CCDC88A: variants seen among roughly 807,000 people sequenced by gnomAD.
CCDC88A encodes coiled-coil and HOOK domain protein 88A.
CCDC88A carries 54 observed loss-of-function variants against 234.3 expected under a neutral mutation model. The observed-to-expected ratio is 0.23, with a 90% CI of 0.19 to 0.29. The LOEUF (loss-of-function observed/expected upper bound fraction) is 0.29. Among genes scored for constraint, CCDC88A ranks in the 10% least tolerant of loss-of-function variants. CCDC88A has a pLI of 1.00. For synonymous variants in CCDC88A, 753 were observed against 737.8 expected (o/e 1.02, Z -0.33); for missense variants, 1,832 against 2,123.4 (o/e 0.86, Z 2.70).
At chr2:55,369,941 T>C (rs935716524) in intron 5 of CCDC88A, among the ~76,000 whole-genome samples, 8 of 152,332 alleles carry the variant, frequency 5.3e-5, no homozygotes, top group Non-Finnish European at 1.2e-4. Context: ...TTACGTCTTT[T>C]TTCTAAAATC....
chr2:55,349,600 CT>C lies in CCDC88A; in HGVS notation c.801-2del, dbSNP rs768302934. ...CAACAACTGCTCAGTCTTTTCCTCCCTTAAATGCAAAAATATATTCATTAAG... is the reference window on the plus strand; with the variant it reads ...CAACAACTGCTCAGTCTTTTCCTCCCTAAATGCAAAAATATATTCATTAAG... On this transcript the variant is annotated splice_acceptor_variant, in intron 8 of 32. Transcript: ENST00000436346. LOFTEE classifies it high-confidence loss of function. 3.7e-6 allele frequency: 6 copies of C among 1,601,420 alleles called. No individual in the cohort carries two copies. Among genetic ancestry groups the C allele is most frequent in the Non-Finnish European group, 5.1e-6 (6 of 1,172,890 alleles).
chr2:55,320,614 T>C lies in CCDC88A; in HGVS notation c.3163-1610A>G, dbSNP rs760840331. On this transcript the variant is annotated intron_variant, in intron 18 of 32. Coordinates refer to ENST00000436346, the MANE Select transcript of CCDC88A (RefSeq NM_001365480.1). ...AATGTAATTATGAATCCAAGCAATATAGGTATATATATCACTGATTAAAAA... is the reference window on the plus strand; with the variant it reads ...AATGTAATTATGAATCCAAGCAATACAGGTATATATATCACTGATTAAAAA... Among the ~76,000 whole-genome samples the C allele has an allele frequency of 1.6e-3, 240 of 152,182 alleles. 1 individual carries two copies. The highest frequency in any genetic ancestry group is 2.7e-3 in the Non-Finnish European group (182 of 68,028).
chr2:55,379,268 C>T (rs1674200760), intron 3 of CCDC88A, among the ~76,000 whole-genome samples: 1 of 151,908 alleles, frequency 6.6e-6, no homozygotes, highest in African/African-American at 2.4e-5. Flanking sequence ...TATAAATGAG[C>T]CCAAGATGAG....
intron 25 of CCDC88A, among the ~76,000 whole-genome samples, chr2:55,305,492 C>A (rs1185609565): frequency 6.6e-6 from 1 of 152,170 alleles, no homozygotes; most frequent in Non-Finnish European, 1.5e-5. Flanking sequence ...CCTAAACAGA[C>A]AAGATGACTT....
chr2:55,291,690 G>A lies in CCDC88A; in HGVS notation c.*21C>T. The A allele has an allele frequency of 6.6e-7, 1 of 1,525,352 alleles. No homozygotes were observed. Among genetic ancestry groups the A allele is most frequent in the Non-Finnish European group, 9.0e-7 (1 of 1,105,926 alleles). 94.5% of individuals were successfully genotyped at this position (1,525,352 alleles called of 1,614,324 possible). On this transcript the variant is annotated 3_prime_UTR_variant, in exon 32 of 33. Coordinates refer to ENST00000436346, the MANE Select transcript of CCDC88A (RefSeq NM_001365480.1). The stretch of plus-strand genomic sequence containing the variant: ...AGGAAACTCACCACTTGGCCCACAT[G>A]TCATGTAGTGGGTAATAGAATTAGG...
intron 16 of CCDC88A, chr2:55,331,742 A>C (rs1684937237): frequency 6.6e-6 from 1 of 152,162 alleles, no homozygotes; most frequent in African/African-American, 2.4e-5. Flanking sequence ...TCATTTTTAA[A>C]ATTAAAAGGC....
intron 11 of CCDC88A, 39 bp downstream of exon 11, chr2:55,344,329 C>T: frequency 6.9e-7 from 1 of 1,445,804 alleles, no homozygotes; most frequent in Non-Finnish European, 9.3e-7. Flanking sequence ...AGAAGTTTTC[C>T]TTAAAGGCCA....
chr2:55,389,781 C>G (rs1349551402), intron 2 of CCDC88A, among the ~76,000 whole-genome samples: 2 of 152,010 alleles, frequency 1.3e-5, no homozygotes. Context: ...TGACTCACGC[C>G]TATAATCCCA....
At chr2:55,322,005 G>GTATTTT (rs1263712390) in intron 18 of CCDC88A, among the ~76,000 whole-genome samples, 44 of 141,218 alleles carry the variant, frequency 3.1e-4, no homozygotes, top group African/African-American at 1.2e-3. Flanking sequence ...TGAAGGGTAA[G>GTATTTT]TATTTGTTGT....
chr2:55,373,010 T>G (rs575797816), intron 4 of CCDC88A, among the ~76,000 whole-genome samples: 1 of 152,368 alleles, frequency 6.6e-6, no homozygotes, highest in Admixed American at 6.5e-5. Context: ...ATCTTAAATG[T>G]CTGTTACAGT....
chr2:55,414,961 G>T (rs555543506), intron 2 of CCDC88A, among the ~76,000 whole-genome samples: 38 of 151,788 alleles, frequency 2.5e-4, no homozygotes, highest in African/African-American at 8.9e-4. Flanking sequence ...CAGTTACTCG[G>T]GAGCCTGAGG....
chr2:55,379,095 A>G (rs985248683), intron 3 of CCDC88A, among the ~76,000 whole-genome samples: 1 of 152,068 alleles, frequency 6.6e-6, no homozygotes, highest in African/African-American at 2.4e-5. Context: ...CCCCATTCCA[A>G]TTTTATGAGT....
chr2:55,393,560 C>G (rs148990979), intron 2 of CCDC88A, among the ~76,000 whole-genome samples: 2 of 152,062 alleles, frequency 1.3e-5, no homozygotes, highest in Non-Finnish European at 2.9e-5. Flanking sequence ...TCCCAAAGTG[C>G]TGGGATTACA....
chr2:55,390,246 T>C (rs962085670), intron 2 of CCDC88A, among the ~76,000 whole-genome samples: 1 of 152,146 alleles, frequency 6.6e-6, no homozygotes, highest in South Asian at 2.1e-4. Flanking sequence ...TGCTTTTGCA[T>C]TGAATCCACT....
intron 19 of CCDC88A, among the ~76,000 whole-genome samples, chr2:55,318,223 T>C (rs1261027743): frequency 6.6e-6 from 1 of 152,144 alleles, no homozygotes; most frequent in Non-Finnish European, 1.5e-5. Context: ...GAAAAATTAC[T>C]TTTAGAAATT....
intron 23 of CCDC88A, among the ~76,000 whole-genome samples, chr2:55,311,334 T>C (rs1682325878): frequency 1.3e-5 from 2 of 152,238 alleles, no homozygotes; most frequent in South Asian, 4.1e-4. Context: ...ATTCTGCCTT[T>C]GTTCCATGAT....
chr2:55,289,318 T>C lies in CCDC88A; in HGVS notation c.*1882A>G, dbSNP rs938491566. 1 of 152,624 alleles carries C rather than the reference T, an allele frequency of 6.6e-6. No individual in the cohort carries two copies. Among genetic ancestry groups the C allele is most frequent in the African/African-American group, 2.4e-5 (1 of 41,464 alleles). The allele number at this position is 152,624 out of a possible 1,614,324, so 9.5% of individuals were successfully genotyped here. A position where few individuals can be genotyped will look rare whatever the true frequency, so the allele number is the denominator to read the frequency against. On this transcript the variant is annotated 3_prime_UTR_variant, in exon 33 of 33. Transcript: ENST00000436346. ...ATAAATCTAAGTTACCCACTAACTG[T>C]ATTTAGCCATAACATAATTTCTATG...
At chr2:55,315,349 A>G (rs917300412) in intron 22 of CCDC88A, 19 of 152,382 alleles carry the variant, frequency 1.2e-4, no homozygotes, top group African/African-American at 4.6e-4. Flanking sequence ...AAAATGCCTC[A>G]GACAACCACA....
intron 2 of CCDC88A, among the ~76,000 whole-genome samples, chr2:55,390,799 T>C (rs1676512712): frequency 6.6e-6 from 1 of 152,116 alleles, no homozygotes; most frequent in African/African-American, 2.4e-5. Context: ...AAAAGGGAGC[T>C]ACACTAACAA....
Sources: allele counts gnomAD v4.1 joint callset (sites outside exome capture counted in the v4.1 genomes callset), GRCh38; gene constraint gnomAD v4.1.1; transcripts MANE v1.5; gene names NCBI Gene and HGNC (gene_info 2026-07-23, HGNC 2026-07-21).